Variants in RUBCNL observed in about 807,000 individuals in gnomAD.
The protein encoded by RUBCNL is protein associated with UVRAG as autophagy enhancer.
A neutral mutation model predicts 69.5 loss-of-function variants in RUBCNL; 62 were observed. That is an observed-to-expected ratio of 0.89 (90% CI 0.73 to 1.10). RUBCNL has a LOEUF of 1.10. Among genes scored for constraint, RUBCNL ranks in the 50% least tolerant of loss-of-function variants. RUBCNL has a pLI of 0.00. For synonymous variants in RUBCNL, 291 were observed against 303.6 expected (o/e 0.96, Z 0.43); for missense variants, 768 against 798.1 (o/e 0.96, Z 0.45).
At chr13:46,369,763 C>A (rs1288818169) in intron 3 of RUBCNL, among the ~76,000 whole-genome samples, 1 of 152,192 alleles carries the variant, frequency 6.6e-6, no homozygotes, top group Non-Finnish European at 1.5e-5. Context: ...CTGAGATGTC[C>A]CAACCTGCTA....
At position 46,350,199 on chromosome 13, in the gene RUBCNL, C is replaced by T. The variant is rs368540256; in HGVS notation, c.1483G>A (p.Asp495Asn). The T allele has an allele frequency of 2.3e-5, 37 of 1,591,726 alleles. No individual in the cohort carries two copies. The highest frequency in any genetic ancestry group is 2.9e-5 in the Non-Finnish European group (34 of 1,168,860). The change falls in exon 11 of 15, where the codon GAC becomes AAC. Residue 495 changes from aspartate to asparagine, a missense_variant. By Grantham distance (23) the Asp-to-Asn change is conservative. Transcript: ENST00000429979. The stretch of plus-strand genomic sequence containing the variant: ...AAAATGGGCTGGTGCCATATGCTGT[C>T]GAGCAGCTGTTTGGAGAAATTGCTG... The part of the protein sequence containing the change: ...YVSNFSKQLL[D>N]SIWHQPIFNL...
chr13:46,365,823 T>C (rs188471748), intron 5 of RUBCNL, among the ~76,000 whole-genome samples: 49 of 152,320 alleles, frequency 3.2e-4, no homozygotes, highest in Admixed American at 5.9e-4. Flanking sequence ...CAAGCCATTA[T>C]AGAGGACAAA....
chr13:46,353,202 T>C (rs2048409127), intron 10 of RUBCNL, among the ~76,000 whole-genome samples: 1 of 152,228 alleles, frequency 6.6e-6, no homozygotes, highest in Non-Finnish European at 1.5e-5. Flanking sequence ...TGAGTTGATG[T>C]TTAAAAGCAA....
rs796741357 is a variant in RUBCNL at position 46,386,632 on chromosome 13, GCCCGGA to G, written c.-239+496_-239+501del. Among the ~76,000 whole-genome samples, 15 of 152,264 alleles carry G rather than the reference GCCCGGA, an allele frequency of 9.9e-5. 1 individual carries two copies. Among genetic ancestry groups the G allele is most frequent in the African/African-American group, 3.6e-4 (15 of 41,540 alleles). ...AAGAGTGGGGGTTGCTATGTAGGGC[GCCCGGA>G]CCAAATAACACGCCGCGATTTCACA... On this transcript the variant is annotated intron_variant, in intron 1 of 14. Transcript: ENST00000429979.
chr13:46,359,135 C>A (rs7997697), intron 9 of RUBCNL, among the ~76,000 whole-genome samples: 58,126 of 151,540 alleles, frequency 0.38, 11,630 homozygotes, highest in East Asian at 0.59. Flanking sequence ...AAAGGAAACA[C>A]ATTTTAAAAA....
At chr13:46,387,361 A>G, upstream of RUBCNL, 1 of 985,360 alleles carries the variant, frequency 1.0e-6, no homozygotes, top group Non-Finnish European at 1.2e-6. Flanking sequence ...AGGGAAGCAA[A>G]GCGCCGTTCC....
In RUBCNL at chr13:46,335,029, G is replaced by A. The variant is rs1312730502; in HGVS notation, c.*8356C>T. On this transcript the variant is annotated 3_prime_UTR_variant, in exon 15 of 15. Coordinates refer to ENST00000429979, the MANE Select transcript of RUBCNL (RefSeq NM_025113.5). ...AGGAACAGCTCAGGAAGTGGTGCAGGTCAAGCCCAACAGGAAACCTACTTG... is the reference window on the plus strand; with the variant it reads ...AGGAACAGCTCAGGAAGTGGTGCAGATCAAGCCCAACAGGAAACCTACTTG... Among the ~76,000 whole-genome samples the A allele has an allele frequency of 6.6e-6, 1 of 151,932 alleles. No homozygotes were observed. Among genetic ancestry groups the A allele is most frequent in the Non-Finnish European group, 1.5e-5 (1 of 67,988 alleles).
At chr13:46,354,888 T>C (rs1161886704) in intron 10 of RUBCNL, 3 of 456,410 alleles carry the variant, frequency 6.6e-6, no homozygotes, top group Non-Finnish European at 1.3e-5. Context: ...AAAAAGTTGG[T>C]GGAGCGATAG....
At chr13:46,355,512 G>A (rs952988116) in intron 10 of RUBCNL, among the ~76,000 whole-genome samples, 2 of 152,082 alleles carry the variant, frequency 1.3e-5, no homozygotes, top group African/African-American at 4.8e-5. Flanking sequence ...TGGCCAGGCT[G>A]GTCTCAAACT....
chr13:46,357,634 T>C (rs2048520107), intron 9 of RUBCNL, among the ~76,000 whole-genome samples: 1 of 121,956 alleles, frequency 8.2e-6, no homozygotes, highest in African/African-American at 2.6e-5. Context: ...TTTCTTTCTT[T>C]TTTTTTTTTT....
intron 2 of RUBCNL, among the ~76,000 whole-genome samples, chr13:46,376,199 C>T (rs953394319): frequency 6.6e-6 from 1 of 152,042 alleles, no homozygotes; most frequent in African/African-American, 2.4e-5. Flanking sequence ...AAGTTGTGCG[C>T]AGATTTTCAA....
intron 10 of RUBCNL, among the ~76,000 whole-genome samples, chr13:46,355,108 T>A (rs1401591678): frequency 6.6e-6 from 1 of 152,190 alleles, no homozygotes; most frequent in African/African-American, 2.4e-5. Context: ...TTTTTATCTC[T>A]TGAAGTAGGA....
intron 3 of RUBCNL, among the ~76,000 whole-genome samples, chr13:46,370,394 C>T (rs985115550): frequency 2.0e-5 from 3 of 152,240 alleles, no homozygotes; most frequent in African/African-American, 7.2e-5. Context: ...TTGCCGCCAT[C>T]TGAGATGCAG....
chr13:46,374,131 G>A (rs188165535), intron 2 of RUBCNL, among the ~76,000 whole-genome samples: 8 of 152,312 alleles, frequency 5.3e-5, no homozygotes, highest in East Asian at 3.9e-4. Context: ...CCAGGCTGGA[G>A]TGCAGTGGCA....
chr13:46,375,157 C>T (rs1007279229), intron 2 of RUBCNL, among the ~76,000 whole-genome samples: 12 of 152,172 alleles, frequency 7.9e-5, no homozygotes, highest in African/African-American at 2.9e-4. Context: ...TAGCATGCCC[C>T]ATACCTAGAG....
chr13:46,341,360 T>C lies in RUBCNL; in HGVS notation c.*2025A>G, dbSNP rs2048140751. Among the ~76,000 whole-genome samples, 1 of 152,186 alleles carries C rather than the reference T, an allele frequency of 6.6e-6. No homozygotes were observed. ...TATGCCACAACTAATTACTTCCTTA[T>C]GGGGTGCTCCATGTGGGCTGAAGAT... On this transcript the variant is annotated 3_prime_UTR_variant, in exon 15 of 15. Transcript: ENST00000429979.
chr13:46,350,067 A>G, intron 11 of RUBCNL, 46 bp downstream of exon 11: 1 of 1,406,906 alleles, frequency 7.1e-7, no homozygotes, highest in Non-Finnish European at 9.8e-7. Context: ...ATTTCCTGCC[A>G]CAGGACACTT....
intron 6 of RUBCNL, among the ~76,000 whole-genome samples, 153 bp downstream of exon 6, chr13:46,362,962 A>ATAGATATATATATATATATATATATC (rs1594158290): frequency 7.4e-5 from 7 of 94,216 alleles, no homozygotes; most frequent in East Asian, 6.8e-4. Context: ...ATATATATAT[A>ATAGATATATATATATATATATATATC]TATATATATA....
upstream of RUBCNL, chr13:46,387,890 A>G (rs962631955): frequency 1.0e-6 from 1 of 976,806 alleles, no homozygotes; most frequent in Middle Eastern, 5.2e-4. Flanking sequence ...CTGCCAACCA[A>G]TACAGAAAGT....
Sources: gnomAD v4.1 joint callset for allele counts (sites outside exome capture counted in the v4.1 genomes callset) on GRCh38, gnomAD v4.1.1 for gene constraint, MANE v1.5 for transcripts, NCBI Gene and HGNC (gene_info 2026-07-23, HGNC 2026-07-21) for gene names.